LRRD1: variants seen among roughly 807,000 people sequenced by gnomAD.
The protein encoded by LRRD1 is leucine-rich repeat and death domain-containing protein 1.
In LRRD1, 49 loss-of-function variants were observed where a neutral mutation model predicts 69.5. The observed-to-expected ratio is 0.70, with a 90% CI of 0.56 to 0.89. The LOEUF (loss-of-function observed/expected upper bound fraction) is 0.89. Among genes scored for constraint, LRRD1 ranks in the 40% least tolerant of loss-of-function variants. The pLI is 0.00. For missense variants in LRRD1, 853 were observed against 956.0 expected, an observed-to-expected ratio of 0.89 and a Z score of 1.42; for synonymous variants, 303 against 338.9, an observed-to-expected ratio of 0.89 and a Z score of 1.16.
intron 2 of LRRD1, among the ~76,000 whole-genome samples, chr7:92,159,620 CTTT>C (rs1183950471): frequency 3.6e-5 from 4 of 112,162 alleles, no homozygotes; most frequent in Admixed American, 1.9e-4. Context: ...ATCAACATTG[CTTT>C]TTTTTTTTTT....
chr7:92,151,647 C>T (rs1000898898), intron 3 of LRRD1, among the ~76,000 whole-genome samples: 1 of 152,098 alleles, frequency 6.6e-6, no homozygotes. Flanking sequence ...CATCCTAATC[C>T]AATGTAAACC....
At chr7:92,153,865 T>C (rs1296796594) in intron 3 of LRRD1, among the ~76,000 whole-genome samples, 6 of 152,044 alleles carry the variant, frequency 3.9e-5, no homozygotes, top group Admixed American at 3.9e-4. Flanking sequence ...GCCTTTAGTC[T>C]TGCTCTTGTC....
chr7:92,174,244 C>G (rs547626384), intron 1 of LRRD1, among the ~76,000 whole-genome samples: 1 of 151,358 alleles, frequency 6.6e-6, no homozygotes, highest in East Asian at 1.9e-4. Flanking sequence ...CGAAATAAGG[C>G]CTAGTGTTTG....
In LRRD1 at chr7:92,159,020, G is replaced by A; in HGVS notation, c.2101C>T (p.Gln701Ter). The A allele has an allele frequency of 6.5e-7, 1 of 1,544,238 alleles. No homozygotes were observed. The highest frequency in any genetic ancestry group is 8.7e-7 in the Non-Finnish European group (1 of 1,144,820). The change falls in exon 3 of 6, where the codon CAA (glutamine) becomes TAA (stop). Residue 701 changes from glutamine to a stop codon, truncating the protein, a stop_gained. Transcript: ENST00000458448. LOFTEE classifies it high-confidence loss of function. ...TGACACTCACCACTCAGGTTTAGTTGCTGCAGATCATTTAAAGATAGCAAA... is the reference window on the plus strand; with the variant it reads ...TGACACTCACCACTCAGGTTTAGTTACTGCAGATCATTTAAAGATAGCAAA... ...PSLLSLNDLQQLNLSGNNLTA... is the reference protein window; with the variant it reads ...PSLLSLNDLQ
In LRRD1 at chr7:92,144,965, G is replaced by C. The variant is rs114574359; in HGVS notation, c.2506C>G (p.Leu836Val). 6.5e-7 allele frequency: 1 copy of C among 1,545,764 alleles called. No homozygotes were observed. Among genetic ancestry groups the C allele is most frequent in the Non-Finnish European group, 8.7e-7 (1 of 1,143,288 alleles). ...AALRDQLIRA[L>V]TMIGAYEIMD... ...ATTTCATATGCTCCTATCATAGTTA[G>C]TGCTCGAATTAGTTGATCTCTTAAA... is the stretch of plus-strand genomic sequence containing the variant. The change falls in exon 6 of 6, where the codon CTA becomes GTA. Residue 836 changes from leucine (L) to valine (V), a missense_variant. Coordinates refer to ENST00000458448, the MANE Select transcript of LRRD1 (RefSeq NM_001161528.2).
intron 5 of LRRD1, among the ~76,000 whole-genome samples, chr7:92,145,774 C>A (rs1820309523): frequency 6.6e-6 from 1 of 152,128 alleles, no homozygotes; most frequent in Admixed American, 6.6e-5. Context: ...ACTTGATTCT[C>A]ATGACAATTC....
intron 1 of LRRD1, among the ~76,000 whole-genome samples, chr7:92,171,017 A>T (rs755108591): frequency 6.6e-6 from 1 of 152,226 alleles, no homozygotes; most frequent in African/African-American, 2.4e-5. Flanking sequence ...GAAATACAAC[A>T]TACCACAATC....
intron 1 of LRRD1, among the ~76,000 whole-genome samples, chr7:92,177,416 TTCTTCTTCTTC>T: frequency 6.6e-6 from 1 of 152,288 alleles, no homozygotes; most frequent in East Asian, 1.9e-4. Context: ...TGTTCAGATT[TTCTTCTTCTTC>T]TTGAGAACAT....
At chr7:92,162,836 A>T (rs1788818634) in intron 2 of LRRD1, among the ~76,000 whole-genome samples, 1 of 152,340 alleles carries the variant, frequency 6.6e-6, no homozygotes, top group Non-Finnish European at 1.5e-5. Flanking sequence ...GTAGTCTTTT[A>T]TAATTCCTTA....
chr7:92,143,628 C>T (rs969032650), downstream of LRRD1, among the ~76,000 whole-genome samples: 5 of 152,250 alleles, frequency 3.3e-5, no homozygotes, highest in South Asian at 2.1e-4. Context: ...AGTGCGGGGC[C>T]GCCGAGCCCA....
chr7:92,151,043 T>C (rs1326507683), intron 3 of LRRD1, among the ~76,000 whole-genome samples: 2 of 152,258 alleles, frequency 1.3e-5, no homozygotes, highest in Non-Finnish European at 2.9e-5. Flanking sequence ...CAAGTTCTTC[T>C]GCATTCCTCA....
At chr7:92,142,376 G>A (rs7798383), downstream of LRRD1, 7,314 of 443,424 alleles carry the variant, frequency 0.016, 325 homozygotes, top group African/African-American at 0.11. Context: ...ACATAAACAA[G>A]GTTCTGTCTC....
chr7:92,153,342 G>A (rs930613770), intron 3 of LRRD1, among the ~76,000 whole-genome samples: 3 of 152,176 alleles, frequency 2.0e-5, no homozygotes, highest in African/African-American at 7.2e-5. Flanking sequence ...TGGGATTATA[G>A]GCGTGAGCCA....
chr7:92,149,096 G>T (rs1487898787), intron 4 of LRRD1, among the ~76,000 whole-genome samples: 1 of 152,202 alleles, frequency 6.6e-6, no homozygotes, highest in Non-Finnish European at 1.5e-5. Flanking sequence ...TGCACAGTAA[G>T]TTAAAGAAGA....
At chr7:92,166,179 GCTCTGT>G (rs1788904878) in intron 1 of LRRD1, among the ~76,000 whole-genome samples, 1 of 152,212 alleles carries the variant, frequency 6.6e-6, no homozygotes, top group Non-Finnish European at 1.5e-5. Flanking sequence ...CTGGGTCCCA[GCTCTGT>G]AAGTCCCTCC....
intron 5 of LRRD1, 56 bp from the exon 6 acceptor site, chr7:92,145,130 T>C: frequency 2.3e-6 from 2 of 861,648 alleles, no homozygotes; most frequent in South Asian, 9.5e-5. Context: ...GTTTAATATA[T>C]TTAAATTACT....
intron 1 of LRRD1, among the ~76,000 whole-genome samples, chr7:92,175,223 G>A (rs1030156174): frequency 2.6e-5 from 4 of 152,126 alleles, no homozygotes; most frequent in Non-Finnish European, 4.4e-5. Context: ...TTTCCATAAT[G>A]TTTTTTGCCA....
chr7:92,152,697 G>A (rs1163299697), intron 3 of LRRD1, among the ~76,000 whole-genome samples: 1 of 148,252 alleles, frequency 6.7e-6, no homozygotes, highest in East Asian at 2.0e-4. Flanking sequence ...TTTGGATGGA[G>A]TCTCGCTCTG....
Position 92,163,580 on chromosome 7 carries a change from A to G in LRRD1, c.1623T>C (p.Gly541=), listed in dbSNP as rs1671671393. Reference sequence around the variant, plus strand: ...CTGGAATTTTCTTTATTTGGTTTTTACCAAGATCCAGGTATTTAAGATTAA... The same window carrying G: ...CTGGAATTTTCTTTATTTGGTTTTTGCCAAGATCCAGGTATTTAAGATTAA... The part of the protein sequence containing the change: ...SLINLKYLDL[G]KNQIKKIPAS... The change falls in exon 2 of 6, where the codon GGT becomes GGC. Residue 541 remains glycine (G), a synonymous_variant. Transcript: ENST00000458448. 7 of 1,532,484 alleles carry G rather than the reference A, an allele frequency of 4.6e-6. No individual in the cohort carries two copies. The highest frequency in any genetic ancestry group is 1.2e-5 in the South Asian group (1 of 80,874). 94.9% of individuals were successfully genotyped at this position (1,532,484 alleles called of 1,614,324 possible).
Sources: gnomAD v4.1 joint callset for allele counts (sites outside exome capture counted in the v4.1 genomes callset) on GRCh38, gnomAD v4.1.1 for gene constraint, MANE v1.5 for transcripts, NCBI Gene and HGNC (gene_info 2026-07-23, HGNC 2026-07-21) for gene names.